TGFA: variants seen among roughly 807,000 people sequenced by gnomAD.
TGFA encodes transforming growth factor alpha.
Under a neutral mutation model 21.7 loss-of-function variants are expected in TGFA, and 12 were observed. The ratio of observed to expected loss-of-function variants is 0.55; its 90% CI spans 0.35 to 0.90. TGFA has a LOEUF of 0.90. Among genes scored for constraint, TGFA ranks in the 40% least tolerant of loss-of-function variants. The probability of loss-of-function intolerance (pLI) is 0.01; values close to 1 mark genes in which losing one functional copy is unlikely to be tolerated. For synonymous variants in TGFA, 79 were observed against 88.1 expected (o/e 0.90, Z 0.58); for missense variants, 178 against 210.8 (o/e 0.84, Z 0.96).
chr2:70,495,508 A>G (rs965312019), intron 2 of TGFA, among the ~76,000 whole-genome samples: 3 of 152,232 alleles, frequency 2.0e-5, no homozygotes, highest in Non-Finnish European at 4.4e-5. Flanking sequence ...GAACAGTTCT[A>G]TAACCTTTTA....
intron 2 of TGFA, among the ~76,000 whole-genome samples, chr2:70,485,088 C>G (rs1049863329): frequency 7.9e-5 from 12 of 152,350 alleles, no homozygotes; most frequent in Admixed American, 5.9e-4. Flanking sequence ...CAAGTTTCAT[C>G]TATTCACTGC....
intron 2 of TGFA, among the ~76,000 whole-genome samples, chr2:70,502,206 T>G (rs1671758555): frequency 6.6e-6 from 1 of 152,222 alleles, no homozygotes; most frequent in Non-Finnish European, 1.5e-5. Flanking sequence ...CGAGGGGGTG[T>G]GTTTTCTCTG....
chr2:70,501,799 A>T (rs147611600), intron 2 of TGFA, among the ~76,000 whole-genome samples: 175 of 152,346 alleles, frequency 1.1e-3, no homozygotes, highest in African/African-American at 3.9e-3. Flanking sequence ...TTAGGCGCTA[A>T]CTTTTCTCAC....
intron 2 of TGFA, among the ~76,000 whole-genome samples, chr2:70,467,030 C>T (rs536957608): frequency 4.0e-5 from 6 of 151,712 alleles, no homozygotes. Flanking sequence ...GTTCTCCCCC[C>T]ATACCCTTTT....
chr2:70,518,323 G>A (rs1261648607), intron 1 of TGFA, among the ~76,000 whole-genome samples: 1 of 152,204 alleles, frequency 6.6e-6, no homozygotes, highest in Non-Finnish European at 1.5e-5. Context: ...TGGTATCAAG[G>A]GGAAAACCAC....
chr2:70,491,433 C>T (rs1397380326), intron 2 of TGFA, among the ~76,000 whole-genome samples: 1 of 152,340 alleles, frequency 6.6e-6, no homozygotes, highest in East Asian at 1.9e-4. Context: ...ATCCATACCA[C>T]ACCAGGCAAG....
At chr2:70,459,911 T>G (rs1670359715) in intron 3 of TGFA, among the ~76,000 whole-genome samples, 1 of 152,194 alleles carries the variant, frequency 6.6e-6, no homozygotes. Flanking sequence ...CCTGGGTAAC[T>G]GCCTCATCAT....
intron 2 of TGFA, among the ~76,000 whole-genome samples, chr2:70,512,644 AC>A (rs1264990589): frequency 9.2e-5 from 14 of 152,198 alleles, no homozygotes; most frequent in Non-Finnish European, 1.8e-4. Flanking sequence ...CCCCTTCTGG[AC>A]AAATTTATCA....
chr2:70,473,832 C>T (rs986314902), intron 2 of TGFA, among the ~76,000 whole-genome samples: 17 of 152,092 alleles, frequency 1.1e-4, no homozygotes, highest in Middle Eastern at 3.4e-3. Context: ...AGGGAAGGGG[C>T]CTTCGTTGTA....
chr2:70,540,101 C>G (rs1288717968), intron 1 of TGFA, among the ~76,000 whole-genome samples: 1 of 152,178 alleles, frequency 6.6e-6, no homozygotes, highest in Admixed American at 6.5e-5. Flanking sequence ...CCAGTGCCCA[C>G]CAGTCTCTGG....
intron 2 of TGFA, among the ~76,000 whole-genome samples, chr2:70,472,211 G>A (rs1670772786): frequency 6.6e-6 from 1 of 152,210 alleles, no homozygotes; most frequent in Admixed American, 6.5e-5. Context: ...GCTGAGGGCA[G>A]AGAAGGACTG....
chr2:70,524,145 A>G (rs1442736293), intron 1 of TGFA, among the ~76,000 whole-genome samples: 3 of 152,242 alleles, frequency 2.0e-5, no homozygotes, highest in Non-Finnish European at 2.9e-5. Context: ...TCAAAGCCTT[A>G]TAGAATAAGG....
chr2:70,471,315 C>A (rs570038050), intron 2 of TGFA, among the ~76,000 whole-genome samples: 1 of 152,134 alleles, frequency 6.6e-6, no homozygotes. Flanking sequence ...ACACTTGAGA[C>A]CTAAGTGGAC....
chr2:70,530,895 T>C (rs564931839), intron 1 of TGFA, among the ~76,000 whole-genome samples: 1 of 152,332 alleles, frequency 6.6e-6, no homozygotes, highest in Admixed American at 6.5e-5. Context: ...TGCTCTCCTC[T>C]AGGTTTCTAT....
rs7572688 is a variant in TGFA at position 70,521,677 on chromosome 2, C to T, written c.41-6765G>A. Among the ~76,000 whole-genome samples, 52 of 131,552 alleles carry T rather than the reference C, an allele frequency of 4.0e-4. 1 individual carries two copies. The East Asian group carries it at 9.7e-3, about 24-fold the overall frequency. 86.3% of individuals were successfully genotyped at this position (131,552 alleles called of 152,430 possible). A position where few individuals can be genotyped will look rare whatever the true frequency, so the allele number is the denominator to read the frequency against. On this transcript the variant is annotated intron_variant, in intron 1 of 5. Transcript: ENST00000295400. ...TCTCCTAGGCTGGAGTGCAGTGGCA[C>T]GATCTTGGCTCACTGCAACCTCTGC...
chr2:70,462,361 C>T (rs1210498890), intron 3 of TGFA, among the ~76,000 whole-genome samples: 1 of 152,192 alleles, frequency 6.6e-6, no homozygotes, highest in Non-Finnish European at 1.5e-5. Flanking sequence ...TGCAGAGGAC[C>T]CTGTCCCAGG....
At chr2:70,460,608 T>C (rs1670378662) in intron 3 of TGFA, among the ~76,000 whole-genome samples, 1 of 152,176 alleles carries the variant, frequency 6.6e-6, no homozygotes, top group Admixed American at 6.5e-5. Flanking sequence ...CAAGGGCACG[T>C]GTATTGGGCT....
chr2:70,538,093 C>A (rs1673026801), intron 1 of TGFA, among the ~76,000 whole-genome samples: 2 of 152,150 alleles, frequency 1.3e-5, no homozygotes, highest in South Asian at 4.1e-4. Context: ...ACAAATGGAA[C>A]AGCAAAGCCT....
intron 2 of TGFA, among the ~76,000 whole-genome samples, chr2:70,513,769 G>A (rs1386575503): frequency 2.0e-5 from 3 of 151,642 alleles, no homozygotes; most frequent in South Asian, 2.1e-4. Context: ...TAAGAAACCC[G>A]CCCCCTCCCA....
Sources: gnomAD v4.1 joint callset for allele counts (sites outside exome capture counted in the v4.1 genomes callset) on GRCh38, gnomAD v4.1.1 for gene constraint, MANE v1.5 for transcripts, NCBI Gene and HGNC (gene_info 2026-07-23, HGNC 2026-07-21) for gene names.